Variants in ADCY9 observed in about 807,000 individuals in gnomAD.
The protein encoded by ADCY9 is adenylate cyclase 9.
In ADCY9, 50 loss-of-function variants were observed where a neutral mutation model predicts 101.5. That is an observed-to-expected ratio of 0.49 (90% CI 0.39 to 0.62). The LOEUF (loss-of-function observed/expected upper bound fraction) is 0.62, where lower values mean the gene tolerates loss of function less well. Among genes scored for constraint, ADCY9 ranks in the 20% least tolerant of loss-of-function variants. The pLI, the probability that ADCY9 is intolerant of heterozygous loss-of-function variation, is 0.00. For synonymous variants in ADCY9, 905 were observed against 769.3 expected (o/e 1.18, Z -2.92); for missense variants, 1,662 against 1,800.4 (o/e 0.92, Z 1.39).
intron 6 of ADCY9, chr16:3,983,667 G>A (rs117227418): frequency 0.014 from 8,104 of 561,278 alleles, 263 homozygotes; most frequent in East Asian, 0.1. Flanking sequence ...GGTGGCTCAC[G>A]CCTGTAATCC....
At chr16:4,090,984 C>T (rs2141188910) in intron 2 of ADCY9, among the ~76,000 whole-genome samples, 1 of 152,048 alleles carries the variant, frequency 6.6e-6, no homozygotes, top group East Asian at 1.9e-4. Context: ...ACCAAATTGA[C>T]CTAAGCTTTC....
intron 2 of ADCY9, among the ~76,000 whole-genome samples, chr16:4,029,977 CAG>C (rs1487822866): frequency 6.6e-6 from 1 of 152,174 alleles, no homozygotes; most frequent in Non-Finnish European, 1.5e-5. Context: ...TGCAATTCAA[CAG>C]AGTGACAAGC....
In ADCY9 at chr16:4,113,732, G is replaced by A. The variant is rs772403255; in HGVS notation, c.1693+18C>T. On this transcript the variant is annotated intron_variant, in intron 2 of 10. Coordinates refer to ENST00000294016, the MANE Select transcript of ADCY9 (RefSeq NM_001116.4). The stretch of plus-strand genomic sequence containing the variant: ...AGGATCAGGGAGGGGGGATGCCGAG[G>A]TAAAGCAGTGCACATACCTTTCAAC... 4 of 1,599,132 alleles carry A rather than the reference G, an allele frequency of 2.5e-6. No homozygotes were observed. Among genetic ancestry groups the A allele is most frequent in the Admixed American group, 1.7e-5 (1 of 59,542 alleles).
chr16:4,047,188 A>T (rs966701549), intron 2 of ADCY9, among the ~76,000 whole-genome samples: 13 of 152,320 alleles, frequency 8.5e-5, no homozygotes, highest in African/African-American at 3.1e-4. Flanking sequence ...GTTCTAAAAT[A>T]TTAGGATTTA....
chr16:4,063,481 G>C (rs78517592), intron 2 of ADCY9, among the ~76,000 whole-genome samples: 4,747 of 152,190 alleles, frequency 0.031, 220 homozygotes, highest in African/African-American at 0.1. Context: ...GGCCAAGCTG[G>C]GACGATCGCT....
intron 2 of ADCY9, among the ~76,000 whole-genome samples, chr16:4,069,783 A>C (rs2056822232): frequency 6.6e-6 from 1 of 152,122 alleles, no homozygotes; most frequent in Non-Finnish European, 1.5e-5. Flanking sequence ...AGTTTTAGAA[A>C]ATTTTCTCTG....
Position 3,977,495 on chromosome 16 carries a change from G to T in ADCY9, c.2815C>A (p.Leu939Met). The change falls in exon 9 of 11, where the codon CTG (leucine) becomes ATG (methionine). Residue 939 changes from leucine to methionine, a missense_variant. By Grantham distance (15) the Leu-to-Met change is conservative. Around this residue, in one of 5 missense-constraint regions of ADCY9, gnomAD observed 624 missense variants for 639.1 expected, o/e 0.98. Coordinates refer to ENST00000294016, the MANE Select transcript of ADCY9 (RefSeq NM_001116.4). ...AGPLLLLYVS[L>M]CPDSSVLTSP... ...CTGGCCGCGTACCTGTCTGGGCACA[G>T]GGAGACGTAGAGCAGGAGCAGCGGC... 1 of 1,568,310 alleles carries T rather than the reference G, an allele frequency of 6.4e-7. No individual in the cohort carries two copies. The highest frequency in any genetic ancestry group is 1.9e-5 in the Admixed American group (1 of 52,732).
intron 2 of ADCY9, among the ~76,000 whole-genome samples, chr16:4,091,925 T>G (rs1459684560): frequency 2.0e-5 from 3 of 152,238 alleles, no homozygotes; most frequent in Non-Finnish European, 4.4e-5. Context: ...GATATGCCAC[T>G]GAACTGTTCA....
At chr16:4,095,701 G>T (rs2056999270) in intron 2 of ADCY9, among the ~76,000 whole-genome samples, 1 of 152,022 alleles carries the variant, frequency 6.6e-6, no homozygotes, top group African/African-American at 2.4e-5. Flanking sequence ...CCCAGACCAG[G>T]CACCATGGGT....
intron 2 of ADCY9, among the ~76,000 whole-genome samples, chr16:4,034,595 G>A (rs2056577530): frequency 6.6e-6 from 1 of 151,902 alleles, no homozygotes; most frequent in South Asian, 2.1e-4. Context: ...TTATTAGTAG[G>A]GGTTTATTAG....
chr16:4,012,284 T>A (rs1211302293), intron 2 of ADCY9, among the ~76,000 whole-genome samples: 1 of 152,208 alleles, frequency 6.6e-6, no homozygotes, highest in African/African-American at 2.4e-5. Context: ...GTTATCACCC[T>A]GACAGGTAAG....
intron 2 of ADCY9, among the ~76,000 whole-genome samples, chr16:4,081,016 C>A (rs188832710): frequency 6.6e-6 from 1 of 152,128 alleles, no homozygotes; most frequent in African/African-American, 2.4e-5. Context: ...GAGATGAGAA[C>A]TGAACCTTGA....
At chr16:3,993,314 T>A in intron 4 of ADCY9, 92 bp downstream of exon 4, 2 of 1,562,828 alleles carry the variant, frequency 1.3e-6, no homozygotes, top group Non-Finnish European at 1.7e-6. Context: ...GGAGTTACTC[T>A]CAGAACTAAG....
chr16:3,954,147 C>A (rs1261851792), intron 5 of ADCY9, among the ~76,000 whole-genome samples: 1 of 152,166 alleles, frequency 6.6e-6, no homozygotes, highest in Non-Finnish European at 1.5e-5. Flanking sequence ...CCCAGAGGCC[C>A]CACTGACGCA....
chr16:4,057,975 A>G (rs1170776777), intron 2 of ADCY9, among the ~76,000 whole-genome samples: 1 of 152,076 alleles, frequency 6.6e-6, no homozygotes, highest in African/African-American at 2.4e-5. Flanking sequence ...CCTGGCCAAC[A>G]TAGTGAAACC....
At chr16:4,027,241 T>C (rs1013544808) in intron 2 of ADCY9, among the ~76,000 whole-genome samples, 15 of 152,238 alleles carry the variant, frequency 9.9e-5, no homozygotes, top group African/African-American at 3.6e-4. Context: ...TTTCAGTAAA[T>C]CTGTGCTTCC....
chr16:4,068,841 G>A (rs1190346739), intron 2 of ADCY9, among the ~76,000 whole-genome samples: 1 of 151,648 alleles, frequency 6.6e-6, no homozygotes, highest in Non-Finnish European at 1.5e-5. Flanking sequence ...ACAATTCACG[G>A]TGGCTCTTTT....
chr16:3,983,022 C>A, intron 7 of ADCY9: 4 of 592,318 alleles, frequency 6.8e-6, no homozygotes, highest in Non-Finnish European at 3.0e-6. Context: ...CCGCCCCCTC[C>A]AGCGAGGTGG....
intron 3 of ADCY9, among the ~76,000 whole-genome samples, chr16:3,995,092 C>T (rs1166590442): frequency 6.6e-6 from 1 of 152,166 alleles, no homozygotes; most frequent in Non-Finnish European, 1.5e-5. Flanking sequence ...AATCACTTTA[C>T]CTCAGTTCCC....
Sources: gnomAD v4.1 joint callset for allele counts (sites outside exome capture counted in the v4.1 genomes callset) on GRCh38, gnomAD v4.1.1 for gene constraint, gnomAD v4.1.1 regional missense constraint, MANE v1.5 for transcripts, NCBI Gene and HGNC (gene_info 2026-07-23, HGNC 2026-07-21) for gene names.